CADM2: variants seen among roughly 807,000 people sequenced by gnomAD.
The protein encoded by CADM2 is immunoglobulin superfamily member 4D.
Under a neutral mutation model 49.8 loss-of-function variants are expected in CADM2, and 12 were observed. That is an observed-to-expected ratio of 0.24 (90% CI 0.15 to 0.39). The LOEUF is 0.39. Ranked by LOEUF, CADM2 falls within the 10% of genes least tolerant of loss-of-function variation. The pLI is 1.00. For synonymous variants in CADM2, 214 were observed against 175.4 expected, an observed-to-expected ratio of 1.22 and a Z score of -1.74; for missense variants, 378 against 492.3, an observed-to-expected ratio of 0.77 and a Z score of 2.20.
chr3:85,915,605 AG>A (rs1239301696), intron 6 of CADM2, among the ~76,000 whole-genome samples: 1 of 152,146 alleles, frequency 6.6e-6, no homozygotes. Flanking sequence ...CAGAGACAGT[AG>A]ATCATGGCTG....
intron 1 of CADM2, among the ~76,000 whole-genome samples, chr3:85,421,339 TAC>T (rs1343312123): frequency 1.3e-5 from 2 of 152,190 alleles, no homozygotes; most frequent in East Asian, 3.9e-4. Context: ...TATTTCTGTA[TAC>T]AAGTGTTTCT....
At chr3:85,902,878 T>C (rs1281777310) in intron 5 of CADM2, among the ~76,000 whole-genome samples, 2 of 151,746 alleles carry the variant, frequency 1.3e-5, no homozygotes, top group Non-Finnish European at 2.9e-5. Flanking sequence ...GTTAAACATA[T>C]TACATTTTAA....
intron 1 of CADM2, among the ~76,000 whole-genome samples, chr3:85,702,895 C>T (rs2107713962): frequency 6.6e-6 from 1 of 152,206 alleles, no homozygotes; most frequent in African/African-American, 2.4e-5. Flanking sequence ...CATGACACTA[C>T]TAAATGTTTA....
At chr3:85,925,496 A>G (rs1358950876) in intron 6 of CADM2, among the ~76,000 whole-genome samples, 1 of 152,218 alleles carries the variant, frequency 6.6e-6, no homozygotes, top group Non-Finnish European at 1.5e-5. Context: ...ACAAACGGGA[A>G]AAATAAACTA....
chr3:85,298,317 A>G (rs1411114774), intron 1 of CADM2, among the ~76,000 whole-genome samples: 1 of 152,082 alleles, frequency 6.6e-6, no homozygotes, highest in African/African-American at 2.4e-5. Context: ...TGCCTCCTAT[A>G]GGAAGGTGAG....
At chr3:85,112,355 C>T (rs1487482788) in intron 1 of CADM2, among the ~76,000 whole-genome samples, 1 of 137,938 alleles carries the variant, frequency 7.2e-6, no homozygotes, top group Non-Finnish European at 1.5e-5. Context: ...GAGAAACTGT[C>T]ATTTTTTTTT....
At chr3:85,013,890 A>G (rs1192238933) in intron 1 of CADM2, among the ~76,000 whole-genome samples, 9 of 147,400 alleles carry the variant, frequency 6.1e-5, no homozygotes, top group Non-Finnish European at 1.3e-4. Context: ...ATTAATATTA[A>G]TATATTATTG....
chr3:85,293,286 G>T (rs1395360132), intron 1 of CADM2, among the ~76,000 whole-genome samples: 1 of 151,842 alleles, frequency 6.6e-6, no homozygotes, highest in African/African-American at 2.4e-5. Flanking sequence ...TGAAATTGTG[G>T]CAATAATCAA....
At chr3:85,772,327 G>A (rs573768928) in intron 2 of CADM2, among the ~76,000 whole-genome samples, 6 of 151,882 alleles carry the variant, frequency 4.0e-5, no homozygotes, top group South Asian at 2.1e-4. Flanking sequence ...TTCTGCATTC[G>A]AATATTGGAA....
chr3:85,124,994 T>C (rs2038980395), intron 1 of CADM2, among the ~76,000 whole-genome samples: 1 of 152,176 alleles, frequency 6.6e-6, no homozygotes, highest in Non-Finnish European at 1.5e-5. Context: ...CAATTACATG[T>C]TTTCTAAATA....
At chr3:85,962,935 A>G (rs1167765403) in intron 8 of CADM2, among the ~76,000 whole-genome samples, 2 of 151,950 alleles carry the variant, frequency 1.3e-5, no homozygotes, top group Non-Finnish European at 2.9e-5. Flanking sequence ...ATGGAATACT[A>G]AAAGACATAT....
At chr3:85,639,319 G>T (rs2064629973) in intron 1 of CADM2, among the ~76,000 whole-genome samples, 1 of 152,174 alleles carries the variant, frequency 6.6e-6, no homozygotes, top group African/African-American at 2.4e-5. Flanking sequence ...CATCAGAAAT[G>T]TTGAGAGTTA....
intron 1 of CADM2, among the ~76,000 whole-genome samples, chr3:85,243,359 C>A (rs757864472): frequency 5.9e-5 from 9 of 151,790 alleles, no homozygotes; most frequent in Non-Finnish European, 1.2e-4. Context: ...TATAAAATTT[C>A]TAGAACTCTC....
intron 1 of CADM2, among the ~76,000 whole-genome samples, chr3:85,290,198 GTCAC>G (rs1400701916): frequency 6.6e-6 from 1 of 152,116 alleles, no homozygotes; most frequent in Non-Finnish European, 1.5e-5. Context: ...GGAAAATCGG[GTCAC>G]TCCCACCCGA....
intron 1 of CADM2, among the ~76,000 whole-genome samples, chr3:85,098,657 C>T (rs1006254723): frequency 4.6e-5 from 7 of 152,254 alleles, no homozygotes; most frequent in African/African-American, 1.7e-4. Context: ...TCCCTCAGTA[C>T]ACATGGGGTA....
At chr3:85,673,289 A>G (rs754975597) in intron 1 of CADM2, among the ~76,000 whole-genome samples, 5 of 152,124 alleles carry the variant, frequency 3.3e-5, no homozygotes, top group Non-Finnish European at 7.4e-5. Context: ...CTATGAGCCA[A>G]CAATATTCAG....
At chr3:85,752,313 A>G (rs983943746) in intron 2 of CADM2, among the ~76,000 whole-genome samples, 2 of 152,136 alleles carry the variant, frequency 1.3e-5, no homozygotes, top group Non-Finnish European at 2.9e-5. Flanking sequence ...TAACTTAATC[A>G]GAAGCCTCCC....
intron 1 of CADM2, among the ~76,000 whole-genome samples, chr3:85,652,570 C>A (rs1391173101): frequency 1.3e-5 from 2 of 151,990 alleles, no homozygotes; most frequent in Non-Finnish European, 2.9e-5. Context: ...GACTGAGATG[C>A]TCACTTCTAT....
chr3:84,998,967 A>G (rs2033318308), intron 1 of CADM2, among the ~76,000 whole-genome samples: 1 of 152,174 alleles, frequency 6.6e-6, no homozygotes, highest in East Asian at 1.9e-4. Context: ...AGTTAGGTGT[A>G]TCTGGAAAGG....
Sources: allele counts gnomAD v4.1 joint callset (sites outside exome capture counted in the v4.1 genomes callset), GRCh38; gene constraint gnomAD v4.1.1; transcripts MANE v1.5; gene names NCBI Gene and HGNC (gene_info 2026-07-23, HGNC 2026-07-21).